Variants in POLR3F observed in about 807,000 individuals in gnomAD.
The protein encoded by POLR3F is DNA-directed RNA polymerase III subunit RPC6.
In POLR3F, 31 loss-of-function variants were observed where a neutral mutation model predicts 43.6. That is an observed-to-expected ratio of 0.71 (90% CI 0.53 to 0.96). POLR3F has a LOEUF of 0.96. Among genes scored for constraint, POLR3F ranks in the 40% least tolerant of loss-of-function variants. The probability of loss-of-function intolerance (pLI) is 0.00; values close to 1 mark genes in which losing one functional copy is unlikely to be tolerated. For missense variants in POLR3F, 316 were observed against 391.7 expected (o/e 0.81, Z 1.63); for synonymous variants, 114 against 132.5 (o/e 0.86, Z 0.96).
At chr20:18,472,545 C>T (rs1469449060) in intron 2 of POLR3F, among the ~76,000 whole-genome samples, 1 of 151,596 alleles carries the variant, frequency 6.6e-6, no homozygotes, top group Non-Finnish European at 1.5e-5. Flanking sequence ...GTCTTTATTT[C>T]AACTTTTTAT....
Position 18,468,974 on chromosome 20 carries a change from TG to T in POLR3F, c.95del (p.Gly32GlufsTer6). On this transcript the variant is annotated frameshift_variant, in exon 2 of 9. Transcript: ENST00000377603. LOFTEE classifies it high-confidence loss of function. ...IIELCHQFPH[G>X]ITDQVIQNEM... ...TAGAATTATGTCACCAGTTCCCTCATGGAATCACAGACCAAGTAATTCAGAA... is the reference window on the plus strand; with the variant it reads ...TAGAATTATGTCACCAGTTCCCTCATGAATCACAGACCAAGTAATTCAGAA... The T allele has an allele frequency of 6.4e-7, 1 of 1,573,660 alleles. No homozygotes were observed. The highest frequency in any genetic ancestry group is 8.7e-7 in the Non-Finnish European group (1 of 1,142,958).
intron 5 of POLR3F, among the ~76,000 whole-genome samples, chr20:18,477,719 A>G (rs965290452): frequency 2.6e-5 from 4 of 152,242 alleles, no homozygotes; most frequent in African/African-American, 7.2e-5. Flanking sequence ...ACTATATGAC[A>G]TACTGGAAAA....
chr20:18,478,218 CTT>C (rs775165488), intron 5 of POLR3F, among the ~76,000 whole-genome samples: 44 of 140,894 alleles, frequency 3.1e-4, no homozygotes, highest in African/African-American at 2.1e-4. Flanking sequence ...AAATTTTTTT[CTT>C]TTTTTTTTTT....
intron 5 of POLR3F, among the ~76,000 whole-genome samples, chr20:18,475,586 A>C (rs2059775741): frequency 6.6e-6 from 1 of 152,236 alleles, no homozygotes; most frequent in African/African-American, 2.4e-5. Context: ...GCCTTGGTGG[A>C]GCTTCTCTTC....
intron 2 of POLR3F, 79 bp from the exon 3 acceptor site, chr20:18,472,763 G>C: frequency 1.5e-6 from 1 of 687,518 alleles, no homozygotes; most frequent in South Asian, 1.8e-5. Context: ...GAATGTTAAA[G>C]AATGCATCAA....
chr20:18,483,563 G>C lies in POLR3F; in HGVS notation c.*5G>C. ...ACAGAGTGGCTCGAATTTTAATAGA[G>C]AGCTATGAACTTTATTGACATTTTG... is the stretch of plus-strand genomic sequence containing the variant. On this transcript the variant is annotated 3_prime_UTR_variant, in exon 9 of 9. Transcript: ENST00000377603. 2.2e-6 allele frequency: 3 copies of C among 1,343,414 alleles called. No individual in the cohort carries two copies. Among genetic ancestry groups the C allele is most frequent in the South Asian group, 1.4e-5 (1 of 73,782 alleles). 83.2% of individuals were successfully genotyped at this position (1,343,414 alleles called of 1,614,324 possible).
In POLR3F at chr20:18,482,011, G is replaced by A. The variant is rs2059813256; in HGVS notation, c.873+201G>A. On this transcript the variant is annotated intron_variant, in intron 8 of 8. Coordinates refer to ENST00000377603, the MANE Select transcript of POLR3F (RefSeq NM_006466.4). ...TTTTTTTTTTTTTTTTTTTTGAGAC[G>A]GAGTCTCACTCTATCACCGAGGCTG... Among the ~76,000 whole-genome samples, 5 of 122,874 alleles carry A rather than the reference G, an allele frequency of 4.1e-5. No homozygotes were observed. The South Asian group carries it at 7.3e-4, about 18-fold the overall frequency. 80.6% of individuals were successfully genotyped at this position (122,874 alleles called of 152,430 possible). A position where few individuals can be genotyped will look rare whatever the true frequency, so the allele number is the denominator to read the frequency against.
In POLR3F at chr20:18,472,927, T is replaced by A. The variant is rs2059761279; in HGVS notation, c.248+18T>A. ...AATGCTGGGTAAGTACTTGTTTTTT[T>A]AATTTTAAGAAAATGTTTATTATTT... is the stretch of plus-strand genomic sequence containing the variant. On this transcript the variant is annotated intron_variant, in intron 3 of 8. Transcript: ENST00000377603. The A allele has an allele frequency of 8.6e-7, 1 of 1,160,938 alleles. No individual in the cohort carries two copies. The highest frequency in any genetic ancestry group is 1.4e-5 in the South Asian group (1 of 73,488). The allele number at this position is 1,160,938 out of a possible 1,614,324, so 71.9% of individuals were successfully genotyped here. A position where few individuals can be genotyped will look rare whatever the true frequency, so the allele number is the denominator to read the frequency against.
intron 8 of POLR3F, among the ~76,000 whole-genome samples, chr20:18,482,272 C>G (rs1319405689): frequency 6.6e-6 from 1 of 152,180 alleles, no homozygotes; most frequent in African/African-American, 2.4e-5. Flanking sequence ...GCATGTGCCC[C>G]TGTACCTGGC....
intron 6 of POLR3F, 87 bp from the exon 7 acceptor site, chr20:18,480,315 T>G (rs2059803224): frequency 8.2e-7 from 1 of 1,215,020 alleles, no homozygotes; most frequent in Non-Finnish European, 1.2e-6. Flanking sequence ...CTAAATATGT[T>G]CTGTTGTTGG....
Position 18,467,540 on chromosome 20 carries a change from G to A in POLR3F, c.34G>A (p.Asp12Asn). 6.2e-7 allele frequency: 1 copy of A among 1,614,288 alleles called. No homozygotes were observed. Among genetic ancestry groups the A allele is most frequent in the South Asian group, 1.1e-5 (1 of 91,088 alleles). Residue 12 changes from aspartate (D) to asparagine (N), a missense_variant, in exon 1 of 9, where the codon GAC becomes AAC. Asp to Asn is a conservative substitution (Grantham distance 23, BLOSUM62 1). Around this residue, in one of 3 missense-constraint regions of POLR3F, gnomAD observed 122 missense variants for 133.8 expected, o/e 0.91. Coordinates refer to ENST00000377603, the MANE Select transcript of POLR3F (RefSeq NM_006466.4). ...AEVKVKVQPP[D>N]ADPVEIENRI... ...GGTGAAGGTGAAGGTGCAGCCGCCT[G>A]ACGCGGATCCGGTCGAAATAGAAAA...
At chr20:18,481,882 G>A in intron 8 of POLR3F, 72 bp downstream of exon 8, 1 of 885,738 alleles carries the variant, frequency 1.1e-6, no homozygotes. Flanking sequence ...AACAGAGCAA[G>A]CACAGCCCAG....
Position 18,480,072 on chromosome 20 carries a change from TG to T in POLR3F, c.465del (p.Gln156SerfsTer6). On this transcript the variant is annotated frameshift_variant, in exon 6 of 9. Coordinates refer to ENST00000377603, the MANE Select transcript of POLR3F (RefSeq NM_006466.4). LOFTEE classifies it high-confidence loss of function. The stretch of plus-strand genomic sequence containing the variant: ...AAGAAGGTGTATATGCTCTATAACC[TG>T]CAGCCAGACCGGTCTGTGACTGGTG... ...SKKKVYMLYN[L>X]QPDRSVTGGA... 1 of 1,612,512 alleles carries T rather than the reference TG, an allele frequency of 6.2e-7. No individual in the cohort carries two copies. The highest frequency in any genetic ancestry group is 8.5e-7 in the Non-Finnish European group (1 of 1,178,722).
intron 4 of POLR3F, among the ~76,000 whole-genome samples, chr20:18,473,940 C>T (rs898056363): frequency 2.6e-5 from 4 of 151,922 alleles, no homozygotes; most frequent in African/African-American, 7.3e-5. Context: ...CTCTTCTACC[C>T]GCTTGAAGAA....
Position 18,483,705 on chromosome 20 carries a change from T to A in POLR3F, c.*147T>A, listed in dbSNP as rs1472174142. On this transcript the variant is annotated 3_prime_UTR_variant, in exon 9 of 9. Coordinates refer to ENST00000377603, the MANE Select transcript of POLR3F (RefSeq NM_006466.4). ...TGCTGCTATGAAAACATATTTTTTT[T>A]ATTTATGAAGACTAAATTTATATTG... The A allele has an allele frequency of 3.0e-5, 13 of 433,846 alleles. No homozygotes were observed. The highest frequency in any genetic ancestry group is 8.4e-5 in the Admixed American group (2 of 23,746). The allele number at this position is 433,846 out of a possible 1,614,324, so 26.9% of individuals were successfully genotyped here. A position where few individuals can be genotyped will look rare whatever the true frequency, so the allele number is the denominator to read the frequency against.
intron 1 of POLR3F, 67 bp downstream of exon 1, chr20:18,467,635 TC>T: frequency 6.2e-7 from 1 of 1,610,222 alleles, no homozygotes; most frequent in East Asian, 2.2e-5. Context: ...CTGGACCCCT[TC>T]TCCGGGATCC....
In POLR3F at chr20:18,473,608, A is replaced by T. The variant is rs904919204; in HGVS notation, c.316+150A>T. On this transcript the variant is annotated intron_variant, in intron 4 of 8. Transcript: ENST00000377603. ...ACAAATATAACATGCATGTGCTTGA[A>T]GGACACCCAAGAGTAAGGCCGTTGT... 1.8e-5 allele frequency: 8 copies of T among 444,528 alleles called. No homozygotes were observed. In the Admixed American group the frequency reaches 2.9e-4, roughly 16 times the overall value. The allele number at this position is 444,528 out of a possible 1,614,324, so 27.5% of individuals were successfully genotyped here. A position where few individuals can be genotyped will look rare whatever the true frequency, so the allele number is the denominator to read the frequency against.
rs767114803 is a variant in POLR3F, at chr20:18,480,067, T to C, written c.459T>C (p.Tyr153=). The change falls in exon 6 of 9, where the codon TAT becomes TAC. Residue 153 remains tyrosine (Y), a synonymous_variant. Coordinates refer to ENST00000377603, the MANE Select transcript of POLR3F (RefSeq NM_006466.4). ...AASKKKVYML[Y]NLQPDRSVTG... ...CAAAAAAGAAGGTGTATATGCTCTA[T>C]AACCTGCAGCCAGACCGGTCTGTGA... The C allele has an allele frequency of 8.7e-6, 14 of 1,612,614 alleles. No homozygotes were observed. The South Asian group carries it at 1.4e-4, about 16-fold the overall frequency.
chr20:18,477,060 C>T (rs1175514676), intron 5 of POLR3F, among the ~76,000 whole-genome samples: 4 of 144,592 alleles, frequency 2.8e-5, no homozygotes, highest in East Asian at 4.0e-4. Context: ...GCAACAAAAG[C>T]GAAACTCCAT....
Sources: gnomAD v4.1 joint callset for allele counts (sites outside exome capture counted in the v4.1 genomes callset) on GRCh38, gnomAD v4.1.1 for gene constraint, gnomAD v4.1.1 regional missense constraint, MANE v1.5 for transcripts, NCBI Gene and HGNC (gene_info 2026-07-23, HGNC 2026-07-21) for gene names.